Variants in SORCS1 observed in about 807,000 individuals in gnomAD.
The protein encoded by SORCS1 is sortilin related VPS10 domain containing receptor 1, also known as VPS10 domain-containing receptor SorCS1.
In SORCS1, 60 loss-of-function variants were observed where a neutral mutation model predicts 146.1. The ratio of observed to expected loss-of-function variants is 0.41; its 90% confidence interval spans 0.33 to 0.51. SORCS1 has a LOEUF of 0.51. Ranked by LOEUF, SORCS1 falls within the 20% of genes least tolerant of loss-of-function variation. The pLI is 0.21. For synonymous variants in SORCS1, 637 were observed against 584.0 expected (o/e 1.09, Z -1.31); for missense variants, 1,352 against 1,487.6 (o/e 0.91, Z 1.50).
chr10:106,923,034 G>A (rs952039922), intron 2 of SORCS1, among the ~76,000 whole-genome samples: 2 of 151,912 alleles, frequency 1.3e-5, no homozygotes, highest in Non-Finnish European at 1.5e-5. Context: ...GACTATAGGC[G>A]CACACGCCAC....
intron 1 of SORCS1, among the ~76,000 whole-genome samples, chr10:107,057,999 T>TAA (rs1031677079): frequency 1.3e-4 from 20 of 152,322 alleles, no homozygotes; most frequent in African/African-American, 4.8e-4. Flanking sequence ...GGCCTTGTTT[T>TAA]AAAGATATGT....
At chr10:106,962,262 G>A (rs1383521626) in intron 1 of SORCS1, among the ~76,000 whole-genome samples, 1 of 151,964 alleles carries the variant, frequency 6.6e-6, no homozygotes, top group Non-Finnish European at 1.5e-5. Flanking sequence ...AGCCTGGCAT[G>A]GTGGTGCATG....
At chr10:106,578,697 G>A in intron 25 of SORCS1, 1 of 1,052,118 alleles carries the variant, frequency 9.5e-7, no homozygotes, top group Non-Finnish European at 1.1e-6. Flanking sequence ...TTTCATTCTA[G>A]TCAATACATA....
intron 21 of SORCS1, among the ~76,000 whole-genome samples, chr10:106,614,560 C>T (rs544487222): frequency 6.6e-6 from 1 of 152,282 alleles, no homozygotes; most frequent in East Asian, 1.9e-4. Flanking sequence ...ACAGCAGTGC[C>T]AAAGAATCAC....
chr10:106,915,959 T>G (rs1004567814), intron 2 of SORCS1, among the ~76,000 whole-genome samples: 13 of 152,170 alleles, frequency 8.5e-5, no homozygotes, highest in African/African-American at 3.1e-4. Context: ...AGGAAAAGAT[T>G]GCTTGCAATG....
chr10:107,168,992 C>A (rs1970106656), upstream of SORCS1, among the ~76,000 whole-genome samples: 1 of 152,052 alleles, frequency 6.6e-6, no homozygotes, highest in African/African-American at 2.4e-5. Flanking sequence ...AATATATATA[C>A]TCCCCATTTC....
At chr10:107,051,094 T>G (rs1248788971) in intron 1 of SORCS1, among the ~76,000 whole-genome samples, 1 of 152,070 alleles carries the variant, frequency 6.6e-6, no homozygotes, top group East Asian at 1.9e-4. Flanking sequence ...TTTTAAGTAT[T>G]AGGCATACAG....
At chr10:106,763,248 G>A (rs1448761829) in intron 4 of SORCS1, among the ~76,000 whole-genome samples, 1 of 152,006 alleles carries the variant, frequency 6.6e-6, no homozygotes, top group African/African-American at 2.4e-5. Flanking sequence ...TGCTATTCCT[G>A]CTCCCACAGA....
At chr10:106,894,359 TTA>T (rs1448441276) in intron 2 of SORCS1, among the ~76,000 whole-genome samples, 1 of 151,880 alleles carries the variant, frequency 6.6e-6, no homozygotes, top group African/African-American at 2.4e-5. Context: ...AAGGTTGCTG[TTA>T]CATGTTCTGG....
At chr10:106,708,466 T>C (rs1238541797) in intron 7 of SORCS1, among the ~76,000 whole-genome samples, 3 of 152,236 alleles carry the variant, frequency 2.0e-5, no homozygotes, top group South Asian at 4.1e-4. Context: ...TTAGTAATTG[T>C]ACCTTTGTCA....
At chr10:106,730,516 AT>A in intron 5 of SORCS1, among the ~76,000 whole-genome samples, 1 of 152,210 alleles carries the variant, frequency 6.6e-6, no homozygotes, top group African/African-American at 2.4e-5. Flanking sequence ...GATCTAATTA[AT>A]TTTTTCACTG....
At chr10:107,012,444 AAATAAT>A (rs1251237900) in intron 1 of SORCS1, among the ~76,000 whole-genome samples, 1 of 152,208 alleles carries the variant, frequency 6.6e-6, no homozygotes, top group Non-Finnish European at 1.5e-5. Context: ...GTTTGATAAT[AAATAAT>A]AATAGCTAGT....
intron 21 of SORCS1, 113 bp downstream of exon 21, chr10:106,618,036 C>T: frequency 2.2e-6 from 3 of 1,391,550 alleles, no homozygotes; most frequent in Non-Finnish European, 3.0e-6. Context: ...CAACTACTGC[C>T]CTCCGTTCTC....
chr10:106,807,231 G>C (rs1290398833), intron 3 of SORCS1, among the ~76,000 whole-genome samples: 1 of 152,220 alleles, frequency 6.6e-6, no homozygotes, highest in African/African-American at 2.4e-5. Flanking sequence ...GGGAATCTCA[G>C]TCGGAGAGTG....
intron 5 of SORCS1, among the ~76,000 whole-genome samples, chr10:106,749,193 G>A (rs1857966631): frequency 6.6e-6 from 1 of 152,146 alleles, no homozygotes; most frequent in Admixed American, 6.5e-5. Context: ...TATGAGATTT[G>A]GAAGGCAGGA....
intron 17 of SORCS1, among the ~76,000 whole-genome samples, chr10:106,664,424 C>A (rs553454733): frequency 6.6e-6 from 1 of 152,066 alleles, no homozygotes; most frequent in Non-Finnish European, 1.5e-5. Context: ...AGGTGGATCA[C>A]GAGGTCAGGA....
chr10:106,807,466 A>G (rs1947246391), intron 3 of SORCS1, among the ~76,000 whole-genome samples: 1 of 152,126 alleles, frequency 6.6e-6, no homozygotes, highest in African/African-American at 2.4e-5. Flanking sequence ...CTGCTTTTTG[A>G]GCTCAGATGT....
intron 1 of SORCS1, among the ~76,000 whole-genome samples, chr10:107,014,051 G>A (rs1224598270): frequency 6.6e-6 from 1 of 151,974 alleles, no homozygotes; most frequent in Non-Finnish European, 1.5e-5. Context: ...ACAAGAGATC[G>A]AGATCATCCT....
At chr10:107,091,121 T>C (rs1964151934) in intron 1 of SORCS1, among the ~76,000 whole-genome samples, 1 of 152,226 alleles carries the variant, frequency 6.6e-6, no homozygotes. Context: ...CAAAAGTAGT[T>C]CATGCAGCAT....
Sources: gnomAD v4.1 joint callset for allele counts (sites outside exome capture counted in the v4.1 genomes callset) on GRCh38, gnomAD v4.1.1 for gene constraint, MANE v1.5 for transcripts, NCBI Gene and HGNC (gene_info 2026-07-23, HGNC 2026-07-21) for gene names.